Variants in ROBO2 observed in about 807,000 individuals in gnomAD.
ROBO2 encodes roundabout guidance receptor 2.
In ROBO2, 53 loss-of-function variants were observed where a neutral mutation model predicts 160.8. The ratio of observed to expected loss-of-function variants is 0.33; its 90% CI spans 0.26 to 0.41. The LOEUF is 0.41. ROBO2 is among the 10% of genes least tolerant of loss of function. ROBO2 has a pLI of 1.00. For synonymous variants in ROBO2, 664 were observed against 611.7 expected, an observed-to-expected ratio of 1.09 and a Z score of -1.26; for missense variants, 1,577 against 1,722.4, an observed-to-expected ratio of 0.92 and a Z score of 1.49.
intron 2 of ROBO2, among the ~76,000 whole-genome samples, chr3:76,216,709 T>C (rs1010128372): frequency 3.3e-5 from 5 of 151,968 alleles, no homozygotes; most frequent in African/African-American, 1.2e-4. Context: ...ACAATAATAA[T>C]GGGAGACTTT....
chr3:76,899,645 AT>A lies in ROBO2; in HGVS notation c.110-198366del, dbSNP rs552352134. 5.8e-3 allele frequency among the ~76,000 whole-genome samples: 882 copies of A among 152,254 alleles called. 6 individuals are homozygous for A. Among genetic ancestry groups the A allele is most frequent in the African/African-American group, 0.021 (862 of 41,544 alleles). ...GCTATTTTTCATTTATTAATCAAAC[AT>A]TTATTGAATACCTCTTGAGTGTCTG... On this transcript the variant is annotated intron_variant, in intron 2 of 26. Transcript: ENST00000487694.
intron 2 of ROBO2, among the ~76,000 whole-genome samples, chr3:76,298,138 A>C (rs1709176145): frequency 1.3e-5 from 2 of 152,212 alleles, no homozygotes; most frequent in Admixed American, 1.3e-4. Flanking sequence ...GAGGAACAAA[A>C]AGCTGGGTCA....
At chr3:77,481,291 T>A in intron 4 of ROBO2, 72 bp downstream of exon 4, 1 of 1,307,710 alleles carries the variant, frequency 7.6e-7, no homozygotes, top group Non-Finnish European at 1.0e-6. Context: ...TTACTAACAT[T>A]AAAAACTGGG....
At chr3:77,627,229 T>C (rs1194445982) in intron 23 of ROBO2, among the ~76,000 whole-genome samples, 1 of 152,188 alleles carries the variant, frequency 6.6e-6, no homozygotes, top group African/African-American at 2.4e-5. Flanking sequence ...CTAATGAAGA[T>C]ATTTTTAATT....
intron 11 of ROBO2, 75 bp downstream of exon 12, chr3:77,563,404 C>T: frequency 7.2e-7 from 1 of 1,392,662 alleles, no homozygotes; most frequent in South Asian, 1.2e-5. Flanking sequence ...CTGAACTATC[C>T]TGCTGTTTTA....
chr3:76,856,583 C>A (rs964619626), intron 2 of ROBO2, among the ~76,000 whole-genome samples: 4 of 152,156 alleles, frequency 2.6e-5, no homozygotes, highest in Non-Finnish European at 5.9e-5. Flanking sequence ...ATGTAAGAAT[C>A]TTCTGGAAAG....
chr3:76,109,168 T>A (rs1025284662), intron 2 of ROBO2, among the ~76,000 whole-genome samples: 3 of 152,004 alleles, frequency 2.0e-5, no homozygotes, highest in Admixed American at 1.3e-4. Flanking sequence ...GTGTATAATA[T>A]AATAAACTAT....
chr3:76,849,118 A>G (rs1186799312), intron 2 of ROBO2, among the ~76,000 whole-genome samples: 1 of 152,198 alleles, frequency 6.6e-6, no homozygotes, highest in Admixed American at 6.5e-5. Context: ...TTACTGTTTT[A>G]TTACGTTCTG....
chr3:76,187,714 A>G lies in ROBO2; in HGVS notation c.109+250112A>G, dbSNP rs565070814. Among the ~76,000 whole-genome samples, 5 of 152,278 alleles carry G rather than the reference A, an allele frequency of 3.3e-5. No individual in the cohort carries two copies. The South Asian group carries it at 8.3e-4, about 25-fold the overall frequency. On this transcript the variant is annotated intron_variant, in intron 2 of 26. Transcript: ENST00000487694. ...CCCTCACCTCTTCAATCTAAGCAGC[A>G]GACATTTCTGTTGATTCTGTCTCTA...
rs996255065 is a variant in ROBO2, at chr3:76,309,050, A to AT, written c.109+371458dup. ...TTCTGTTCTGCCAAAGGGCCAAGAC[A>AT]TTTTTTTTTTAATTGCTAATCATGA... On this transcript the variant is annotated intron_variant, in intron 2 of 26. Transcript: ENST00000487694. Among the ~76,000 whole-genome samples the AT allele has an allele frequency of 2.8e-4, 42 of 150,066 alleles. No individual in the cohort carries two copies. The South Asian group carries it at 5.3e-3, about 19-fold the overall frequency.
chr3:76,182,891 G>A (rs918037412), intron 2 of ROBO2, among the ~76,000 whole-genome samples: 1 of 152,122 alleles, frequency 6.6e-6, no homozygotes, highest in South Asian at 2.1e-4. Flanking sequence ...AACATTGTCT[G>A]CTTGTTCCTG....
chr3:76,905,296 TA>T (rs1490542926), intron 2 of ROBO2, among the ~76,000 whole-genome samples: 1 of 151,898 alleles, frequency 6.6e-6, no homozygotes, highest in East Asian at 1.9e-4. Flanking sequence ...GGGATGAAAT[TA>T]AGGTGAAGAG....
intron 2 of ROBO2, among the ~76,000 whole-genome samples, chr3:76,647,586 G>A (rs1694571004): frequency 6.6e-6 from 1 of 152,186 alleles, no homozygotes; most frequent in Non-Finnish European, 1.5e-5. Context: ...GAGTTAGGAT[G>A]AATTTTAATA....
At chr3:77,000,416 T>C (rs1186137629) in intron 2 of ROBO2, among the ~76,000 whole-genome samples, 1 of 152,198 alleles carries the variant, frequency 6.6e-6, no homozygotes, top group Admixed American at 6.5e-5. Flanking sequence ...TCCCTCAGTT[T>C]ATCTCCTTAT....
chr3:76,552,632 T>G (rs2083483602), intron 2 of ROBO2, among the ~76,000 whole-genome samples: 2 of 152,210 alleles, frequency 1.3e-5, no homozygotes. Flanking sequence ...GGAAAACATT[T>G]GAACAAACAA....
At chr3:76,132,673 T>C (rs1023175441) in intron 2 of ROBO2, among the ~76,000 whole-genome samples, 1 of 152,196 alleles carries the variant, frequency 6.6e-6, no homozygotes, top group African/African-American at 2.4e-5. Flanking sequence ...TTAGGCCTTC[T>C]TCTAAAACAT....
At chr3:77,140,045 T>C (rs956826825) in intron 2 of ROBO2, among the ~76,000 whole-genome samples, 1 of 152,224 alleles carries the variant, frequency 6.6e-6, no homozygotes, top group African/African-American at 2.4e-5. Flanking sequence ...CTTTGTCAAC[T>C]GCAGACATAG....
intron 2 of ROBO2, among the ~76,000 whole-genome samples, chr3:76,859,971 T>G (rs1425934932): frequency 1.3e-5 from 2 of 152,236 alleles, no homozygotes; most frequent in African/African-American, 4.8e-5. Context: ...TTCTTGTTGC[T>G]GGTATTATCT....
chr3:77,178,658 CCA>C (rs2080393709), intron 2 of ROBO2, among the ~76,000 whole-genome samples: 3 of 151,856 alleles, frequency 2.0e-5, no homozygotes, highest in Non-Finnish European at 4.4e-5. Flanking sequence ...TTTATACCCC[CCA>C]CAGTGTGTAT....
Sources: allele counts gnomAD v4.1 joint callset (sites outside exome capture counted in the v4.1 genomes callset), GRCh38; gene constraint gnomAD v4.1.1; transcripts MANE v1.5; gene names NCBI Gene and HGNC (gene_info 2026-07-23, HGNC 2026-07-21).